ZRANB3: variants seen among roughly 807,000 people sequenced by gnomAD.
The protein encoded by ZRANB3 is DNA annealing helicase and endonuclease ZRANB3.
Under a neutral mutation model 133.8 loss-of-function variants are expected in ZRANB3, and 125 were observed. The observed-to-expected ratio is 0.93, with a 90% CI of 0.81 to 1.08. The LOEUF is 1.08. Ranked by LOEUF, ZRANB3 falls within the 50% of genes least tolerant of loss-of-function variation. ZRANB3 has a pLI of 0.00. For synonymous variants in ZRANB3, 387 were observed against 432.7 expected (o/e 0.89, Z 1.31); for missense variants, 1,229 against 1,275.5 (o/e 0.96, Z 0.56).
At chr2:135,203,005 G>C in intron 19 of ZRANB3, 42 bp from the exon 20 acceptor site, 1 of 1,595,510 alleles carries the variant, frequency 6.3e-7, no homozygotes, top group Non-Finnish European at 8.5e-7. Context: ...AACATATACT[G>C]CAAGAAGTGT....
At chr2:135,302,533 T>G (rs965237268) in intron 8 of ZRANB3, among the ~76,000 whole-genome samples, 2 of 151,920 alleles carry the variant, frequency 1.3e-5, no homozygotes, top group African/African-American at 4.8e-5. Context: ...GGTTTGTTTT[T>G]TTTTTTTTTG....
chr2:135,403,476 C>T (rs1427276052), intron 2 of ZRANB3, among the ~76,000 whole-genome samples: 1 of 152,226 alleles, frequency 6.6e-6, no homozygotes, highest in Non-Finnish European at 1.5e-5. Context: ...TGTGTGGAGC[C>T]CACTGCAGCT....
intron 8 of ZRANB3, among the ~76,000 whole-genome samples, chr2:135,279,736 C>T (rs546861708): frequency 1.2e-4 from 19 of 152,300 alleles, no homozygotes; most frequent in Admixed American, 2.0e-4. Context: ...TTTCCCACTC[C>T]TTTCCACTAG....
chr2:135,390,810 C>T lies in ZRANB3; in HGVS notation c.172G>A (p.Ala58Thr). ...ALKRNGRCMV[A>T]DEMGLGKTIQ... ...ACCATTGAAACACTTACTTCATCAGCCACCATACACCTGGAAAAAAAAAAA... is the reference window on the plus strand; with the variant it reads ...ACCATTGAAACACTTACTTCATCAGTCACCATACACCTGGAAAAAAAAAAA... The change falls in exon 3 of 21, where the codon GCT becomes ACT. Residue 58 changes from alanine to threonine, a missense_variant. By Grantham distance (58) the Ala-to-Thr change is moderately conservative. Transcript: ENST00000264159. The T allele has an allele frequency of 4.6e-6, 7 of 1,516,514 alleles. No individual in the cohort carries two copies. Among genetic ancestry groups the T allele is most frequent in the Non-Finnish European group, 6.1e-6 (7 of 1,138,802 alleles). The allele number at this position is 1,516,514 out of a possible 1,614,324, so 93.9% of individuals were successfully genotyped here. A position where few individuals can be genotyped will look rare whatever the true frequency, so the allele number is the denominator to read the frequency against.
chr2:135,501,401 C>G (rs926455757), intron 2 of ZRANB3, among the ~76,000 whole-genome samples: 4 of 152,110 alleles, frequency 2.6e-5, no homozygotes, highest in Admixed American at 2.6e-4. Flanking sequence ...AACAATAGCA[C>G]TATTATTCTT....
chr2:135,356,584 C>T (rs910604044), intron 3 of ZRANB3, among the ~76,000 whole-genome samples: 1 of 152,114 alleles, frequency 6.6e-6, no homozygotes, highest in Non-Finnish European at 1.5e-5. Flanking sequence ...TTCTCTAATT[C>T]TGTATTCTTG....
At chr2:135,201,109 C>T (rs1327954123) in intron 20 of ZRANB3, among the ~76,000 whole-genome samples, 3 of 152,158 alleles carry the variant, frequency 2.0e-5, no homozygotes, top group Admixed American at 2.0e-4. Context: ...TCCAACTCAA[C>T]AGATGAGCTG....
chr2:135,443,115 CAAAAAAAAAAAGAAAGA>C (rs199580953), intron 2 of ZRANB3, among the ~76,000 whole-genome samples: 10,434 of 116,094 alleles, frequency 0.09, 760 homozygotes, highest in African/African-American at 0.23. Flanking sequence ...GACTCCATCT[CAAAAAAAAAAAGAAAGA>C]AAAAGAAAAA....
At chr2:135,210,571 C>T (rs545377976) in intron 17 of ZRANB3, among the ~76,000 whole-genome samples, 12 of 151,996 alleles carry the variant, frequency 7.9e-5, no homozygotes, top group South Asian at 2.1e-4. Context: ...TCAATTGATC[C>T]GCCTGTCTCA....
intron 1 of ZRANB3, chr2:135,511,874 T>A (rs1211375930): frequency 1.3e-6 from 1 of 762,664 alleles, no homozygotes; most frequent in Non-Finnish European, 2.5e-6. Context: ...GGGGCCTAGT[T>A]CAGCAGTGTG....
intron 2 of ZRANB3, among the ~76,000 whole-genome samples, chr2:135,395,707 C>T (rs1325275550): frequency 1.3e-5 from 2 of 152,110 alleles, no homozygotes; most frequent in Non-Finnish European, 2.9e-5. Context: ...ATCCACCTGC[C>T]TCGGCCTCCC....
chr2:135,329,253 G>C (rs1345274602), intron 6 of ZRANB3, among the ~76,000 whole-genome samples: 4 of 152,226 alleles, frequency 2.6e-5, no homozygotes, highest in Non-Finnish European at 5.9e-5. Flanking sequence ...GTAAAGAAGG[G>C]GTCCAGTTTC....
intron 2 of ZRANB3, among the ~76,000 whole-genome samples, chr2:135,457,987 C>A (rs576800792): frequency 1.3e-5 from 2 of 152,170 alleles, no homozygotes; most frequent in Non-Finnish European, 2.9e-5. Flanking sequence ...CCACTGTCTC[C>A]TACCAAGTCA....
At chr2:135,479,921 T>A (rs938121036) in intron 2 of ZRANB3, among the ~76,000 whole-genome samples, 4 of 151,964 alleles carry the variant, frequency 2.6e-5, no homozygotes, top group Non-Finnish European at 1.5e-5. Flanking sequence ...TTTATACCTA[T>A]ACTTACGATT....
chr2:135,439,081 T>C (rs1558999991), intron 2 of ZRANB3, among the ~76,000 whole-genome samples: 1 of 152,208 alleles, frequency 6.6e-6, no homozygotes, highest in Non-Finnish European at 1.5e-5. Flanking sequence ...ATGGATACTA[T>C]AAGAAATTTT....
At position 135,202,877 on chromosome 2, in the gene ZRANB3, A is replaced by T. The variant is rs1367331164; in HGVS notation, c.3096T>A (p.Cys1032Ter). Residue 1032 changes from cysteine (C) to a stop codon, truncating the protein, a stop_gained, in exon 20 of 21, where the codon TGT (cysteine) becomes TGA (stop). Coordinates refer to ENST00000264159, the MANE Select transcript of ZRANB3 (RefSeq NM_032143.4). LOFTEE classifies it high-confidence loss of function. ...IKPVYGGGGQ[C>*]SLDNLQTLCT... ...AGAGAGTCTGCAGGTTGTCCAGGGA[A>T]CACTGTCCTCCTCCCCCATACACTG... 1 of 1,611,188 alleles carries T rather than the reference A, an allele frequency of 6.2e-7. No homozygotes were observed. The highest frequency in any genetic ancestry group is 2.2e-5 in the East Asian group (1 of 44,810).
At chr2:135,416,811 T>C (rs1314941475) in intron 2 of ZRANB3, among the ~76,000 whole-genome samples, 3 of 152,136 alleles carry the variant, frequency 2.0e-5, no homozygotes, top group African/African-American at 7.2e-5. Context: ...GCCACATATC[T>C]ACAACTATCT....
intron 12 of ZRANB3, among the ~76,000 whole-genome samples, chr2:135,233,058 G>A (rs1414982693): frequency 6.6e-6 from 1 of 152,124 alleles, no homozygotes; most frequent in Non-Finnish European, 1.5e-5. Context: ...AAAATTAGAC[G>A]AATGGCTAAC....
At chr2:135,278,129 C>A (rs546485573) in intron 8 of ZRANB3, among the ~76,000 whole-genome samples, 15 of 152,152 alleles carry the variant, frequency 9.9e-5, no homozygotes, top group Middle Eastern at 3.4e-3. Flanking sequence ...AGACCCACTA[C>A]GTGTCTTTCA....
Sources: allele counts gnomAD v4.1 joint callset (sites outside exome capture counted in the v4.1 genomes callset), GRCh38; gene constraint gnomAD v4.1.1; transcripts MANE v1.5; gene names NCBI Gene and HGNC (gene_info 2026-07-23, HGNC 2026-07-21).